Variants in ROBO1 observed in about 807,000 individuals in gnomAD.
The protein encoded by ROBO1 is roundabout guidance receptor 1, also known as roundabout homolog 1.
A neutral mutation model predicts 195.9 loss-of-function variants in ROBO1; 149 were observed. The observed-to-expected ratio is 0.76, with a 90% CI of 0.67 to 0.87. ROBO1 has a LOEUF of 0.87. Among genes scored for constraint, ROBO1 ranks in the 40% least tolerant of loss-of-function variants. The pLI is 0.00. For synonymous variants in ROBO1, 816 were observed against 733.2 expected (o/e 1.11, Z -1.82); for missense variants, 1,933 against 2,068.3 (o/e 0.93, Z 1.27).
intron 1 of ROBO1, among the ~76,000 whole-genome samples, chr3:79,690,158 C>G (rs960986881): frequency 6.6e-6 from 1 of 151,902 alleles, no homozygotes; most frequent in Non-Finnish European, 1.5e-5. Context: ...CCAAAAATAT[C>G]TGTGTCCTCA....
chr3:78,792,610 C>T (rs372575476), intron 4 of ROBO1, among the ~76,000 whole-genome samples: 11 of 152,166 alleles, frequency 7.2e-5, no homozygotes, highest in South Asian at 2.1e-4. Flanking sequence ...ATGAAAATCA[C>T]GTACTCCATC....
intron 2 of ROBO1, among the ~76,000 whole-genome samples, chr3:79,309,306 C>A (rs931066704): frequency 3.3e-5 from 5 of 152,138 alleles, no homozygotes; most frequent in Non-Finnish European, 1.5e-5. Flanking sequence ...CAGTGGCTCA[C>A]ACCTATAATC....
At chr3:78,848,997 T>C (rs1421228717) in intron 4 of ROBO1, among the ~76,000 whole-genome samples, 4 of 152,040 alleles carry the variant, frequency 2.6e-5, no homozygotes, top group African/African-American at 9.7e-5. Context: ...AAAGTAGAGA[T>C]GGCAGAATGT....
At chr3:79,406,188 T>C (rs1461354733) in intron 2 of ROBO1, among the ~76,000 whole-genome samples, 1 of 151,412 alleles carries the variant, frequency 6.6e-6, no homozygotes, top group Non-Finnish European at 1.5e-5. Context: ...TTGAGAATGT[T>C]GAGATGTGAT....
intron 2 of ROBO1, among the ~76,000 whole-genome samples, chr3:79,278,229 T>C (rs935210101): frequency 6.6e-6 from 1 of 152,054 alleles, no homozygotes; most frequent in Non-Finnish European, 1.5e-5. Context: ...TGTTAAAATG[T>C]CCATACTACC....
At chr3:78,769,449 T>C (rs1284632065) in intron 4 of ROBO1, among the ~76,000 whole-genome samples, 1 of 152,108 alleles carries the variant, frequency 6.6e-6, no homozygotes, top group African/African-American at 2.4e-5. Flanking sequence ...GTGTGAGTCC[T>C]TTTGTGTTAG....
intron 3 of ROBO1, among the ~76,000 whole-genome samples, chr3:79,120,628 T>C (rs995608305): frequency 6.6e-6 from 1 of 151,974 alleles, no homozygotes; most frequent in East Asian, 1.9e-4. Context: ...GAGAAACCAG[T>C]GGGTTTGGGA....
chr3:78,679,865 C>T (rs2080848686), intron 10 of ROBO1, among the ~76,000 whole-genome samples: 1 of 151,966 alleles, frequency 6.6e-6, no homozygotes, highest in Admixed American at 6.6e-5. Flanking sequence ...AAAGAGCCCG[C>T]ATCGCCAAGT....
intron 2 of ROBO1, among the ~76,000 whole-genome samples, chr3:79,133,993 C>T (rs533583438): frequency 3.3e-5 from 5 of 151,534 alleles, no homozygotes; most frequent in East Asian, 2.0e-4. Context: ...ACTTCATGTC[C>T]AAAACACCAA....
chr3:79,138,811 C>T (rs561239571), intron 2 of ROBO1, among the ~76,000 whole-genome samples: 1 of 151,734 alleles, frequency 6.6e-6, no homozygotes, highest in South Asian at 2.1e-4. Flanking sequence ...TTAGGAAATT[C>T]TGATATAGAT....
intron 2 of ROBO1, among the ~76,000 whole-genome samples, chr3:79,522,254 T>A (rs1162132339): frequency 6.6e-6 from 1 of 152,154 alleles, no homozygotes; most frequent in Non-Finnish European, 1.5e-5. Context: ...CTATCTGTTG[T>A]TTTTCTGCAA....
chr3:78,777,224 C>A (rs1039016859), intron 4 of ROBO1, among the ~76,000 whole-genome samples: 7 of 152,090 alleles, frequency 4.6e-5, no homozygotes, highest in African/African-American at 1.7e-4. Context: ...TAAAACAGTA[C>A]CAATAATATC....
chr3:79,756,202 A>G lies in ROBO1; in HGVS notation c.-51+11550T>C, dbSNP rs572090066. On this transcript the variant is annotated intron_variant, in intron 1 of 30. Transcript: ENST00000464233. ...TAATAGGTGAAGAGTCTATTATTCT[A>G]TGGTGCTATCTTTAAAATGAACATT... is the stretch of plus-strand genomic sequence containing the variant. Among the ~76,000 whole-genome samples, 196 of 152,304 alleles carry G rather than the reference A, an allele frequency of 1.3e-3. 1 individual carries two copies. Among genetic ancestry groups the G allele is most frequent in the African/African-American group, 4.4e-3 (184 of 41,572 alleles).
At chr3:79,686,223 A>G (rs1006264264) in intron 1 of ROBO1, among the ~76,000 whole-genome samples, 3 of 152,204 alleles carry the variant, frequency 2.0e-5, no homozygotes, top group African/African-American at 7.2e-5. Flanking sequence ...ACATATCTCA[A>G]AATAATAAGA....
intron 2 of ROBO1, among the ~76,000 whole-genome samples, chr3:79,555,579 G>A (rs116153974): frequency 9.0e-4 from 137 of 152,222 alleles, no homozygotes; most frequent in African/African-American, 3.2e-3. Flanking sequence ...GTGTTGGATT[G>A]AGACAGATCT....
chr3:78,739,723 T>C (rs182169118), intron 5 of ROBO1, among the ~76,000 whole-genome samples: 35 of 152,314 alleles, frequency 2.3e-4, no homozygotes, highest in African/African-American at 7.2e-4. Context: ...TGTTATGTTA[T>C]AGATTTCAAT....
intron 1 of ROBO1, among the ~76,000 whole-genome samples, chr3:79,697,198 G>C (rs1560109273): frequency 6.6e-6 from 1 of 151,340 alleles, no homozygotes. Context: ...ATTAAGAATG[G>C]TTCTAAATTA....
intron 2 of ROBO1, among the ~76,000 whole-genome samples, chr3:79,454,185 G>A (rs756732800): frequency 3.4e-5 from 5 of 146,652 alleles, no homozygotes; most frequent in South Asian, 2.2e-4. Flanking sequence ...GAGAGTTCAC[G>A]GATTTAAGAC....
intron 2 of ROBO1, among the ~76,000 whole-genome samples, chr3:79,524,455 T>A (rs1473381851): frequency 6.6e-6 from 1 of 152,078 alleles, no homozygotes. Flanking sequence ...TATCATAAAA[T>A]TGAAAAATCT....
Sources: allele counts gnomAD v4.1 joint callset (sites outside exome capture counted in the v4.1 genomes callset), GRCh38; gene constraint gnomAD v4.1.1; transcripts MANE v1.5; gene names NCBI Gene and HGNC (gene_info 2026-07-23, HGNC 2026-07-21).